The following AGO3 variants were observed in gnomAD, a reference collection of about 807,000 sequenced individuals.
AGO3 encodes argonaute RISC catalytic component 3, also known as protein argonaute-3.
AGO3 carries 16 observed loss-of-function variants against 105.5 expected under a neutral mutation model. The ratio of observed to expected loss-of-function variants is 0.15; its 90% CI spans 0.10 to 0.23. The LOEUF (loss-of-function observed/expected upper bound fraction) is 0.23. AGO3 is among the 10% of genes least tolerant of loss of function. The pLI, the probability that AGO3 is intolerant of heterozygous loss-of-function variation, is 1.00. For missense variants in AGO3, 534 were observed against 1,088.0 expected (o/e 0.49, Z 7.16); for synonymous variants, 340 against 367.3 (o/e 0.93, Z 0.85).
intron 6 of AGO3, among the ~76,000 whole-genome samples, chr1:36,006,987 A>G (rs1640365299): frequency 6.6e-6 from 1 of 152,162 alleles, no homozygotes; most frequent in South Asian, 2.1e-4. Context: ...CAGCATTGAC[A>G]TTTTGGGCTG....
chr1:35,931,309 C>G lies in AGO3; in HGVS notation c.-118C>G. 1 of 965,548 alleles carries G rather than the reference C, an allele frequency of 1.0e-6. No individual in the cohort carries two copies. The highest frequency in any genetic ancestry group is 1.4e-6 in the Non-Finnish European group (1 of 706,946). The allele number at this position is 965,548 out of a possible 1,614,324, so 59.8% of individuals were successfully genotyped here. A position where few individuals can be genotyped will look rare whatever the true frequency, so the allele number is the denominator to read the frequency against. On this transcript the variant is annotated 5_prime_UTR_variant, in exon 1 of 19. Coordinates refer to ENST00000373191, the MANE Select transcript of AGO3 (RefSeq NM_024852.4). Reference sequence around the variant, plus strand: ...TGCTCAGGGGAAGCCGTCGCCGCCCCCGCCTCGGGGCCGAGTGAGAGTGCC... The same window carrying G: ...TGCTCAGGGGAAGCCGTCGCCGCCCGCGCCTCGGGGCCGAGTGAGAGTGCC...
chr1:35,954,982 A>T (rs1202234217), intron 2 of AGO3, among the ~76,000 whole-genome samples: 3 of 152,234 alleles, frequency 2.0e-5, no homozygotes, highest in Non-Finnish European at 1.5e-5. Context: ...AGGGAGAAAG[A>T]ATAATCCACA....
intron 11 of AGO3, among the ~76,000 whole-genome samples, chr1:36,025,974 G>T (rs764958334): frequency 1.4e-4 from 22 of 151,972 alleles, no homozygotes; most frequent in Non-Finnish European, 3.2e-4. Flanking sequence ...GGAAGTTGAG[G>T]CTGCAGGAGT....
chr1:36,028,215 A>AT (rs1641595895), intron 12 of AGO3, among the ~76,000 whole-genome samples: 3 of 150,508 alleles, frequency 2.0e-5, no homozygotes, highest in Admixed American at 2.0e-4. Context: ...CTAATTTTTT[A>AT]TTTTTTTATT....
chr1:35,998,254 A>G (rs1170901904), intron 5 of AGO3, among the ~76,000 whole-genome samples: 1 of 152,182 alleles, frequency 6.6e-6, no homozygotes. Context: ...ATATGAGTAT[A>G]GTACAATTTA....
chr1:36,038,209 C>A (rs1185798889), intron 14 of AGO3, among the ~76,000 whole-genome samples: 3 of 151,292 alleles, frequency 2.0e-5, no homozygotes, highest in Non-Finnish European at 4.4e-5. Flanking sequence ...GGCTAGGAAG[C>A]CTTTGTGAGG....
chr1:36,027,418 C>T lies in AGO3; in HGVS notation c.1591+120C>T. 1.0e-6 allele frequency: 1 copy of T among 972,164 alleles called. No individual in the cohort carries two copies. Among genetic ancestry groups the T allele is most frequent in the South Asian group, 2.7e-5 (1 of 36,672 alleles). 60.2% of individuals were successfully genotyped at this position (972,164 alleles called of 1,614,324 possible). A position where few individuals can be genotyped will look rare whatever the true frequency, so the allele number is the denominator to read the frequency against. ...ATATTTTATGATACAGTATTTAAAACCATGTATTATTACTTGAAGACAAAT... is the reference window on the plus strand; with the variant it reads ...ATATTTTATGATACAGTATTTAAAATCATGTATTATTACTTGAAGACAAAT... On this transcript the variant is annotated intron_variant, in intron 12 of 18. Coordinates refer to ENST00000373191, the MANE Select transcript of AGO3 (RefSeq NM_024852.4). The surrounding 1 kb of genome is among the most constrained non-coding windows in gnomAD (Gnocchi z 4.0).
intron 17 of AGO3, among the ~76,000 whole-genome samples, chr1:36,049,385 G>A (rs1394801546): frequency 1.3e-5 from 2 of 151,992 alleles, no homozygotes; most frequent in Non-Finnish European, 2.9e-5. Flanking sequence ...AGGCATGGTG[G>A]CACGCACCTG....
intron 5 of AGO3, among the ~76,000 whole-genome samples, chr1:35,975,076 A>G (rs1411728944): frequency 6.6e-6 from 1 of 152,152 alleles, no homozygotes; most frequent in East Asian, 1.9e-4. Context: ...ACATCATTTT[A>G]TGTATATTAA....
At chr1:36,016,617 G>T (rs1212981020) in intron 11 of AGO3, among the ~76,000 whole-genome samples, 1 of 151,806 alleles carries the variant, frequency 6.6e-6, no homozygotes, top group Non-Finnish European at 1.5e-5. Flanking sequence ...TAATGGATTG[G>T]CATTGATGTC....
Position 36,027,226 on chromosome 1 carries a change from C to T in AGO3, c.1519C>T (p.Arg507Trp), listed in dbSNP as rs752839229. Residue 507 changes from arginine (R) to tryptophan (W), a missense_variant, in exon 12 of 19, where the codon CGG becomes TGG. By Grantham distance (101) the Arg-to-Trp change is moderately radical (BLOSUM62 -3). Coordinates refer to ENST00000373191, the MANE Select transcript of AGO3 (RefSeq NM_024852.4). The surrounding 1 kb of genome is among the most constrained non-coding windows in gnomAD (Gnocchi z 4.0). Reference sequence around the variant, plus strand: ...GGCAGACAGCGTAGAGCCCATGTTCCGGCATCTCAAGAACACATATTCTGG... The same window carrying T: ...GGCAGACAGCGTAGAGCCCATGTTCTGGCATCTCAAGAACACATATTCTGG... ...QGADSVEPMF[R>W]HLKNTYSGLQ... 3 of 1,614,184 alleles carry T rather than the reference C, an allele frequency of 1.9e-6. No homozygotes were observed. Among genetic ancestry groups the T allele is most frequent in the Non-Finnish European group, 2.5e-6 (3 of 1,180,022 alleles).
At position 36,057,011 on chromosome 1, in the gene AGO3, A is replaced by T. The variant is rs1185924619; in HGVS notation, c.*1266A>T. 1 of 152,148 alleles carries T rather than the reference A, an allele frequency of 6.6e-6. No homozygotes were observed. The highest frequency in any genetic ancestry group is 1.5e-5 in the Non-Finnish European group (1 of 68,076). The allele number at this position is 152,148 out of a possible 1,614,324, so 9.4% of individuals were successfully genotyped here. On this transcript the variant is annotated 3_prime_UTR_variant, in exon 19 of 19. Transcript: ENST00000373191. ...CGCCTCGACCTCCCAAAGTGCTGGG[A>T]TTACAGGCATGAGCCACCGCACCCG...
intron 5 of AGO3, among the ~76,000 whole-genome samples, chr1:35,990,617 T>A (rs932946594): frequency 1.3e-5 from 2 of 152,222 alleles, no homozygotes; most frequent in Admixed American, 1.3e-4. Context: ...AATATGTAAA[T>A]GGTTGTAGAA....
intron 4 of AGO3, among the ~76,000 whole-genome samples, chr1:35,973,168 A>G (rs530824591): frequency 2.6e-4 from 40 of 152,208 alleles, no homozygotes; most frequent in African/African-American, 8.2e-4. Context: ...ATTTCAACCA[A>G]CAATTTTGAG....
At chr1:36,003,096 T>A (rs1384306433) in intron 5 of AGO3, among the ~76,000 whole-genome samples, 1 of 150,574 alleles carries the variant, frequency 6.6e-6, no homozygotes, top group Non-Finnish European at 1.5e-5. Context: ...GATAAATAGA[T>A]AAATAAATAA....
intron 1 of AGO3, among the ~76,000 whole-genome samples, chr1:35,936,209 C>T (rs1488348108): frequency 6.6e-6 from 1 of 151,664 alleles, no homozygotes; most frequent in Non-Finnish European, 1.5e-5. Context: ...GGTTTTCTGC[C>T]ATTATCTGTG....
rs1480514125 is a variant in AGO3 at position 36,039,955 on chromosome 1, G to A, written c.2008G>A (p.Asp670Asn). 1.2e-6 allele frequency: 2 copies of A among 1,613,410 alleles called. No individual in the cohort carries two copies. The highest frequency in any genetic ancestry group is 2.2e-5 in the South Asian group (2 of 90,976). The change falls in exon 15 of 19, where the codon GAT becomes AAT. Residue 670 changes from aspartate (D) to asparagine (N), a missense_variant. By Grantham distance (23) the Asp-to-Asn change is conservative (BLOSUM62 1). This residue lies in a region of AGO3 where 373 missense variants were observed against 854.0 expected (regional missense o/e 0.44). Transcript: ENST00000373191. ...FKPTRIIFYR[D>N]GVSEGQFRQV... ...GCCTACTCGTATCATCTTTTATCGG[G>A]ATGGTGTTTCAGAGGGGCAGTTTAG...
intron 11 of AGO3, among the ~76,000 whole-genome samples, chr1:36,017,041 C>T (rs1640942318): frequency 6.6e-6 from 1 of 152,188 alleles, no homozygotes; most frequent in African/African-American, 2.4e-5. Flanking sequence ...TTTTGGGTTT[C>T]TGGTCTCAGT....
At chr1:36,037,667 A>G (rs1436893576) in intron 14 of AGO3, among the ~76,000 whole-genome samples, 1 of 152,216 alleles carries the variant, frequency 6.6e-6, no homozygotes, top group Non-Finnish European at 1.5e-5. Flanking sequence ...AACTATTTTC[A>G]TTAGTAAAGG....
Sources: allele counts gnomAD v4.1 joint callset (sites outside exome capture counted in the v4.1 genomes callset), GRCh38; gene constraint gnomAD v4.1.1; regional missense constraint gnomAD v4.1.1; non-coding constraint Gnocchi (gnomAD v3.1); transcripts MANE v1.5; gene names NCBI Gene and HGNC (gene_info 2026-07-23, HGNC 2026-07-21).